CNTN5: variants seen among roughly 807,000 people sequenced by gnomAD.
CNTN5 encodes contactin 5.
A neutral mutation model predicts 129.1 loss-of-function variants in CNTN5; 77 were observed. The ratio of observed to expected loss-of-function variants is 0.60; its 90% CI spans 0.50 to 0.72. The LOEUF (loss-of-function observed/expected upper bound fraction) is 0.72, where lower values mean the gene tolerates loss of function less well. CNTN5 is among the 30% of genes least tolerant of loss of function. CNTN5 has a pLI of 0.00. For synonymous variants in CNTN5, 509 were observed against 465.6 expected (o/e 1.09, Z -1.20); for missense variants, 1,478 against 1,328.8 (o/e 1.11, Z -1.75).
intron 3 of CNTN5, among the ~76,000 whole-genome samples, chr11:99,745,060 A>G (rs1407383500): frequency 6.6e-6 from 1 of 152,170 alleles, no homozygotes; most frequent in Non-Finnish European, 1.5e-5. Flanking sequence ...AAGCACACGT[A>G]AGTCTTGCTT....
intron 15 of CNTN5, among the ~76,000 whole-genome samples, chr11:100,215,020 CT>C (rs1179874492): frequency 1.3e-5 from 2 of 152,162 alleles, no homozygotes; most frequent in African/African-American, 2.4e-5. Context: ...TTCCCGAGAT[CT>C]TCTCCATGTT....
intron 3 of CNTN5, among the ~76,000 whole-genome samples, chr11:99,757,797 T>A (rs946380225): frequency 6.6e-6 from 1 of 152,090 alleles, no homozygotes; most frequent in Admixed American, 6.6e-5. Flanking sequence ...AGTTAATCTT[T>A]CTGGTTATAT....
intron 3 of CNTN5, among the ~76,000 whole-genome samples, chr11:99,602,138 T>A (rs1950331160): frequency 6.6e-6 from 1 of 152,088 alleles, no homozygotes. Flanking sequence ...ATCATGTAGA[T>A]TACTGAAGAG....
intron 2 of CNTN5, among the ~76,000 whole-genome samples, chr11:99,537,289 A>C (rs1218416604): frequency 6.6e-6 from 1 of 152,188 alleles, no homozygotes; most frequent in Non-Finnish European, 1.5e-5. Context: ...ATTACAGAAT[A>C]CATATCCTCA....
chr11:99,592,718 ATT>A (rs987164120), intron 3 of CNTN5, among the ~76,000 whole-genome samples: 1 of 152,178 alleles, frequency 6.6e-6, no homozygotes, highest in Admixed American at 6.6e-5. Flanking sequence ...TCATGTAAAT[ATT>A]TTTGTTTGTT....
At chr11:100,194,341 G>A (rs1366028574) in intron 15 of CNTN5, among the ~76,000 whole-genome samples, 1 of 151,900 alleles carries the variant, frequency 6.6e-6, no homozygotes, top group Non-Finnish European at 1.5e-5. Context: ...TAATGAGAGA[G>A]GGAGGAGAAA....
rs768621343 is a variant in CNTN5, at chr11:99,601,618, A to C, written c.55+45349A>C. On this transcript the variant is annotated intron_variant, in intron 3 of 24. Transcript: ENST00000524871. ...ACTTTTTGACAAAGCAAACTTTACT[A>C]AACAACGAATTTGTATTTCTCCTTC... 3.2e-4 allele frequency among the ~76,000 whole-genome samples: 48 copies of C among 152,232 alleles called. 1 individual carries two copies. Among genetic ancestry groups the C allele is most frequent in the Non-Finnish European group, 7.3e-5 (5 of 68,042 alleles).
chr11:99,919,163 CG>C (rs2136025437), intron 7 of CNTN5, among the ~76,000 whole-genome samples: 1 of 152,236 alleles, frequency 6.6e-6, no homozygotes, highest in South Asian at 2.1e-4. Context: ...CCTGTCTTTA[CG>C]TGCTCTTTTT....
Position 99,911,738 on chromosome 11 carries a change from T to TA in CNTN5, c.578-4302dup, listed in dbSNP as rs34582552. 6.3e-3 allele frequency among the ~76,000 whole-genome samples: 925 copies of TA among 146,966 alleles called. 8 individuals are homozygous for TA. Among genetic ancestry groups the TA allele is most frequent in the African/African-American group, 0.021 (849 of 39,986 alleles). The stretch of plus-strand genomic sequence containing the variant: ...ACCTACTCAACATGTCTCAGGAGGT[T>TA]AAAAAAAAAAAAAAGAAAAATAACT... On this transcript the variant is annotated intron_variant, in intron 6 of 24. Transcript: ENST00000524871.
chr11:100,182,063 C>A (rs1948152843), intron 13 of CNTN5, among the ~76,000 whole-genome samples: 1 of 152,044 alleles, frequency 6.6e-6, no homozygotes, highest in Non-Finnish European at 1.5e-5. Flanking sequence ...CAAGAGAGGT[C>A]ATTATGCTAT....
At chr11:99,312,288 G>A (rs893613868) in intron 1 of CNTN5, among the ~76,000 whole-genome samples, 1 of 152,092 alleles carries the variant, frequency 6.6e-6, no homozygotes, top group Non-Finnish European at 1.5e-5. Context: ...AAACACCGGG[G>A]TTAAAGACAA....
Position 100,025,805 on chromosome 11 carries a change from T to G in CNTN5, c.980+23669T>G, listed in dbSNP as rs556912266. ...GCCAATTTCTCCCATTTGAAATGGA[T>G]TTGTTTACCCAATGCCTGTATCCCC... On this transcript the variant is annotated intron_variant, in intron 9 of 24. Transcript: ENST00000524871. Among the ~76,000 whole-genome samples the G allele has an allele frequency of 8.2e-4, 125 of 152,306 alleles. 1 individual carries two copies. Among genetic ancestry groups the G allele is most frequent in the African/African-American group, 2.9e-3 (119 of 41,574 alleles).
At chr11:99,438,763 GT>G (rs1056302872) in intron 2 of CNTN5, among the ~76,000 whole-genome samples, 1 of 152,132 alleles carries the variant, frequency 6.6e-6, no homozygotes. Flanking sequence ...TCAATCCAGA[GT>G]TTTTTTATAC....
In CNTN5 at chr11:100,235,705, C is replaced by T. The variant is rs147954034; in HGVS notation, c.2005+10893C>T. On this transcript the variant is annotated intron_variant, in intron 16 of 24. Transcript: ENST00000524871. ...GGAAAAACAACAGTTTGCATTAGGT[C>T]GCTTAATTGGGCTTCAGAGACCAAG... is the stretch of plus-strand genomic sequence containing the variant. 2.7e-3 allele frequency among the ~76,000 whole-genome samples: 414 copies of T among 152,204 alleles called. 3 individuals carry two copies. Among genetic ancestry groups the T allele is most frequent in the African/African-American group, 9.4e-3 (392 of 41,512 alleles).
chr11:100,251,391 T>G (rs1209181311), intron 16 of CNTN5, among the ~76,000 whole-genome samples: 2 of 152,096 alleles, frequency 1.3e-5, no homozygotes, highest in East Asian at 3.9e-4. Flanking sequence ...AATTAGCATA[T>G]TCATCATCTT....
chr11:99,106,497 T>C (rs563532840), intron 1 of CNTN5, among the ~76,000 whole-genome samples: 1 of 152,126 alleles, frequency 6.6e-6, no homozygotes, highest in South Asian at 2.1e-4. Flanking sequence ...GGAATGTAGT[T>C]CCTATAATTA....
rs1555137776 is a variant in CNTN5 at position 99,408,448 on chromosome 11, G to GAGA, written c.-71+82966_-71+82968dup. 6.4e-5 allele frequency among the ~76,000 whole-genome samples: 5 copies of GAGA among 78,132 alleles called. No homozygotes were observed. In the South Asian group the frequency reaches 1.6e-3, roughly 25 times the overall value. 51.3% of individuals were successfully genotyped at this position (78,132 alleles called of 152,430 possible). Reference sequence around the variant, plus strand: ...AAAGAAAAAGAAAGAAAGAAAGAAAGAGAAAGAAAGAAAGAAAGAAAGAAA... The same window carrying GAGA: ...AAAGAAAAAGAAAGAAAGAAAGAAAGAGAAGAAAGAAAGAAAGAAAGAAAGAAA... On this transcript the variant is annotated intron_variant, in intron 2 of 24. Transcript: ENST00000524871.
chr11:99,578,715 G>A (rs1949456196), intron 3 of CNTN5, among the ~76,000 whole-genome samples: 2 of 151,574 alleles, frequency 1.3e-5, no homozygotes, highest in Non-Finnish European at 3.0e-5. Context: ...GTTCATTGTA[G>A]ATTCTGGATA....
chr11:99,664,188 TG>T (rs1952701497), intron 3 of CNTN5, among the ~76,000 whole-genome samples: 1 of 152,168 alleles, frequency 6.6e-6, no homozygotes, highest in Non-Finnish European at 1.5e-5. Context: ...TTTGTACAAA[TG>T]GCTCCAGGAG....
Sources: allele counts gnomAD v4.1 joint callset (sites outside exome capture counted in the v4.1 genomes callset), GRCh38; gene constraint gnomAD v4.1.1; transcripts MANE v1.5; gene names NCBI Gene and HGNC (gene_info 2026-07-23, HGNC 2026-07-21).